The following ARSF variants were observed in gnomAD, a reference collection of about 807,000 sequenced individuals.
The protein encoded by ARSF is arylsulfatase F.
ARSF carries 33 observed loss-of-function variants against 35.4 expected under a neutral mutation model. The observed-to-expected ratio is 0.93, with a 90% CI of 0.71 to 1.25. The LOEUF (loss-of-function observed/expected upper bound fraction) is 1.25, where lower values mean the gene tolerates loss of function less well. ARSF is among the 50% of genes most tolerant of loss of function. ARSF has a pLI of 0.00. For missense variants in ARSF, 501 were observed against 480.2 expected (o/e 1.04, Z -0.40); for synonymous variants, 222 against 193.1 (o/e 1.15, Z -1.24).
chrX:3,043,096 A>C, intron 1 of ARSF, among the ~76,000 whole-genome samples: 1 of 111,454 alleles, frequency 9.0e-6, no homozygotes, highest in Middle Eastern at 4.6e-3. Flanking sequence ...CAGAGGTTGC[A>C]GTGAGCCAAG....
chrX:3,066,475 G>A (rs751371049), intron 1 of ARSF, among the ~76,000 whole-genome samples: 24 of 111,744 alleles, frequency 2.1e-4, no homozygotes, highest in Non-Finnish European at 3.8e-4. Context: ...TGAGGTCACC[G>A]CAACACAAGG....
At chrX:3,083,905 A>G (rs1333887980) in intron 5 of ARSF, among the ~76,000 whole-genome samples, 2 of 110,891 alleles carry the variant, frequency 1.8e-5, no homozygotes, top group African/African-American at 3.3e-5. Flanking sequence ...TGATGTCTCT[A>G]TCTTTGTGGC....
At chrX:3,074,819 C>T (rs994650576) in intron 3 of ARSF, among the ~76,000 whole-genome samples, 15 of 111,013 alleles carry the variant, frequency 1.4e-4, no homozygotes, top group African/African-American at 3.9e-4. Context: ...CGTTTGGCTC[C>T]GTGAAATGTT....
chrX:3,058,622 G>A (rs750991960), intron 1 of ARSF: 24 of 325,232 alleles, frequency 7.4e-5, no homozygotes, highest in Non-Finnish European at 1.2e-4. Context: ...TGAGGCCAAG[G>A]CAGGAGGATT....
chrX:3,042,008 C>A (rs2089957547), intron 1 of ARSF, among the ~76,000 whole-genome samples: 2 of 111,965 alleles, frequency 1.8e-5, no homozygotes, highest in South Asian at 7.3e-4. Flanking sequence ...TCATATTTAC[C>A]TCTGACAGAT....
At chrX:3,069,566 C>T (rs1014008841) in intron 2 of ARSF, among the ~76,000 whole-genome samples, 3 of 111,139 alleles carry the variant, frequency 2.7e-5, no homozygotes, top group African/African-American at 9.8e-5. Flanking sequence ...CCTGCCTCAG[C>T]CCCCCAAAGA....
At chrX:3,082,864 T>G (rs1213432855) in intron 5 of ARSF, among the ~76,000 whole-genome samples, 1 of 111,329 alleles carries the variant, frequency 9.0e-6, no homozygotes, top group African/African-American at 3.3e-5. Context: ...TCTCTCTATC[T>G]AATCACCCAC....
intron 3 of ARSF, 31 bp downstream of exon 3, chrX:3,072,206 C>T: frequency 8.4e-7 from 1 of 1,193,402 alleles, no homozygotes. Flanking sequence ...GTCATACGTT[C>T]GTCAGTCGTT....
intron 3 of ARSF, among the ~76,000 whole-genome samples, chrX:3,075,851 C>G (rs1397102649): frequency 9.8e-6 from 1 of 102,339 alleles, no homozygotes; most frequent in East Asian, 3.2e-4. Flanking sequence ...CTTTCCATCT[C>G]TCTCTGTCTC....
At chrX:3,048,151 T>C (rs1229632721) in intron 1 of ARSF, among the ~76,000 whole-genome samples, 1 of 111,902 alleles carries the variant, frequency 8.9e-6, no homozygotes, top group Non-Finnish European at 1.9e-5. Flanking sequence ...AGATGAGCTT[T>C]GGGTGTGGAC....
chrX:3,091,745 C>G (rs1251046123), intron 7 of ARSF, among the ~76,000 whole-genome samples: 1 of 111,164 alleles, frequency 9.0e-6, no homozygotes, highest in Non-Finnish European at 1.9e-5. Context: ...TGTATAGAAA[C>G]AGATGATTGA....
chrX:3,075,455 A>G, intron 3 of ARSF, among the ~76,000 whole-genome samples: 1 of 99,946 alleles, frequency 1.0e-5, no homozygotes, highest in African/African-American at 3.8e-5. Context: ...TTCTATGCCT[A>G]TGCGTGTCTC....
chrX:3,092,176 G>C (rs12556651), intron 7 of ARSF, among the ~76,000 whole-genome samples: 3,382 of 41,086 alleles, frequency 0.082, 115 homozygotes, highest in African/African-American at 0.2. Context: ...ATGATAGATA[G>C]ATACATACAT....
At chrX:3,096,568 G>T (rs1380179490) in intron 7 of ARSF, among the ~76,000 whole-genome samples, 3 of 111,666 alleles carry the variant, frequency 2.7e-5, no homozygotes, top group Non-Finnish European at 3.8e-5. Context: ...CATCTGATGA[G>T]AAAGTCTTTG....
chrX:3,073,479 G>A (rs925337193), intron 3 of ARSF, among the ~76,000 whole-genome samples: 2 of 90,458 alleles, frequency 2.2e-5, no homozygotes, highest in African/African-American at 9.7e-5. Context: ...CCTGGTTAAT[G>A]CTAGAGGCAC....
At chrX:3,058,134 C>A (rs2090026389) in intron 1 of ARSF, 1 of 112,495 alleles carries the variant, frequency 8.9e-6, no homozygotes, top group South Asian at 3.7e-4. Flanking sequence ...ATTAAATAGA[C>A]ACGACTGATT....
chrX:3,091,843 GTAGA>G (rs753350546), intron 7 of ARSF, among the ~76,000 whole-genome samples: 44 of 109,743 alleles, frequency 4.0e-4, no homozygotes, highest in South Asian at 7.9e-4. Context: ...TAGATGATAG[GTAGA>G]TAGATAGATG....
At chrX:3,053,810 A>G (rs1298594785) in intron 1 of ARSF, among the ~76,000 whole-genome samples, 2 of 94,977 alleles carry the variant, frequency 2.1e-5, no homozygotes, top group Admixed American at 1.2e-4. Context: ...CATTCAGGCT[A>G]GAGTGCAATG....
At chrX:3,075,459 G>T (rs1268267061) in intron 3 of ARSF, among the ~76,000 whole-genome samples, 1 of 96,109 alleles carries the variant, frequency 1.0e-5, no homozygotes, top group Non-Finnish European at 2.0e-5. Flanking sequence ...ATGCCTATGC[G>T]TGTCTCTGTC....
Sources: allele counts gnomAD v4.1 joint callset (sites outside exome capture counted in the v4.1 genomes callset), GRCh38; gene constraint gnomAD v4.1.1; transcripts MANE v1.5; gene names NCBI Gene and HGNC (gene_info 2026-07-23, HGNC 2026-07-21).